NFIB: variants seen among roughly 807,000 people sequenced by gnomAD.
NFIB encodes the protein nuclear factor I B, also known as nuclear factor 1 B-type.
NFIB carries 11 observed loss-of-function variants against 61.5 expected under a neutral mutation model. The ratio of observed to expected loss-of-function variants is 0.18; its 90% CI spans 0.11 to 0.30. The LOEUF (loss-of-function observed/expected upper bound fraction) is 0.30. Ranked by LOEUF, NFIB falls within the 10% of genes least tolerant of loss-of-function variation. NFIB has a pLI of 1.00. For synonymous variants in NFIB, 260 were observed against 216.5 expected (o/e 1.20, Z -1.76); for missense variants, 471 against 608.9 (o/e 0.77, Z 2.38).
intron 2 of NFIB, among the ~76,000 whole-genome samples, chr9:14,285,131 T>G (rs1375119250): frequency 1.3e-5 from 2 of 152,224 alleles, no homozygotes; most frequent in East Asian, 3.8e-4. Flanking sequence ...CTTTCCAATT[T>G]TCTTTTCTTG....
chr9:14,227,856 G>A (rs1374768790), intron 2 of NFIB, among the ~76,000 whole-genome samples: 2 of 152,118 alleles, frequency 1.3e-5, no homozygotes, highest in Non-Finnish European at 1.5e-5. Context: ...TGAACCTCTG[G>A]AGTCTAAGCT....
intron 2 of NFIB, among the ~76,000 whole-genome samples, chr9:14,229,197 C>A (rs934008264): frequency 2.0e-5 from 3 of 152,148 alleles, no homozygotes; most frequent in Non-Finnish European, 4.4e-5. Context: ...AAAAGCTCAT[C>A]GGTAAGTTAA....
intron 2 of NFIB, chr9:14,305,607 T>C (rs1317267076): frequency 6.4e-6 from 1 of 156,594 alleles, no homozygotes; most frequent in Non-Finnish European, 1.4e-5. Flanking sequence ...GTAATATTTC[T>C]AAAAGTGCAA....
chr9:14,465,128 G>T, the NFIB span, among the ~76,000 whole-genome samples: 10 of 152,276 alleles, frequency 6.6e-5, no homozygotes, highest in African/African-American at 2.4e-4. Flanking sequence ...ACCTTTGTAG[G>T]ACCATGCAAG....
At chr9:14,408,103 A>C in the NFIB span, among the ~76,000 whole-genome samples, 1 of 152,200 alleles carries the variant, frequency 6.6e-6, no homozygotes, top group East Asian at 1.9e-4. Context: ...AGAAATTGCC[A>C]ATTATGTTAG....
chr9:14,134,913 A>AAAAG (rs1554644520), intron 6 of NFIB, among the ~76,000 whole-genome samples: 19 of 133,384 alleles, frequency 1.4e-4, no homozygotes, highest in Admixed American at 1.6e-4. Context: ...AAAAAAAAAA[A>AAAAG]AAAAAAAGGA....
At chr9:14,376,518 ATT>A (rs35781223) in intron 1 of NFIB, among the ~76,000 whole-genome samples, 45 of 141,124 alleles carry the variant, frequency 3.2e-4, no homozygotes, top group Admixed American at 2.8e-4. Context: ...TAAAAGTGTC[ATT>A]TTTTTTTTTT....
At chr9:14,458,691 A>G in the NFIB span, among the ~76,000 whole-genome samples, 45 of 152,292 alleles carry the variant, frequency 3.0e-4, no homozygotes, top group Admixed American at 4.6e-4. Flanking sequence ...AAATCAATGT[A>G]CAAAAATCAC....
intron 2 of NFIB, among the ~76,000 whole-genome samples, chr9:14,242,247 G>A (rs1040428031): frequency 6.6e-6 from 1 of 152,160 alleles, no homozygotes; most frequent in Non-Finnish European, 1.5e-5. Flanking sequence ...TCCCACATAT[G>A]GAAATATGCA....
intron 2 of NFIB, among the ~76,000 whole-genome samples, chr9:14,222,795 CA>C (rs58787088): frequency 5.8e-5 from 5 of 86,770 alleles, no homozygotes; most frequent in East Asian, 3.1e-4. Context: ...GATCCTGTCT[CA>C]AAAAAAAAAA....
chr9:14,199,600 G>A (rs1473623712), intron 2 of NFIB, among the ~76,000 whole-genome samples: 2 of 152,230 alleles, frequency 1.3e-5, no homozygotes, highest in Admixed American at 6.5e-5. Flanking sequence ...GTAAAGATGT[G>A]TTGGAGTCTC....
At position 14,323,176 on chromosome 9, in the gene NFIB, T is replaced by C. The variant is rs144456319; in HGVS notation, c.109-15656A>G. On this transcript the variant is annotated intron_variant, in intron 1 of 8. Transcript: ENST00000380934. ...ACCAGAAAGAGCGCACTTTGACTTATATTGATAGGTAGTCACGCGAATATC... is the reference window on the plus strand; with the variant it reads ...ACCAGAAAGAGCGCACTTTGACTTACATTGATAGGTAGTCACGCGAATATC... Among the ~76,000 whole-genome samples, 390 of 152,270 alleles carry C rather than the reference T, an allele frequency of 2.6e-3. 2 individuals are homozygous for C. The highest frequency in any genetic ancestry group is 9.1e-3 in the African/African-American group (378 of 41,556).
At chr9:14,506,651 C>T in the NFIB span, among the ~76,000 whole-genome samples, 1 of 152,118 alleles carries the variant, frequency 6.6e-6, no homozygotes, top group Non-Finnish European at 1.5e-5. Context: ...TAGGTTTATT[C>T]TAAATAGCCT....
intron 1 of NFIB, among the ~76,000 whole-genome samples, chr9:14,310,542 T>C (rs1378324535): frequency 6.6e-6 from 1 of 152,186 alleles, no homozygotes; most frequent in African/African-American, 2.4e-5. Flanking sequence ...ACTGTCCTGA[T>C]ACAAAAATAT....
At chr9:14,369,384 C>T (rs184338808) in intron 1 of NFIB, among the ~76,000 whole-genome samples, 142 of 152,302 alleles carry the variant, frequency 9.3e-4, no homozygotes, top group Non-Finnish European at 8.4e-4. Context: ...TAGTTTCCAT[C>T]TGTATCATTA....
At chr9:14,424,937 A>G in the NFIB span, among the ~76,000 whole-genome samples, 19 of 152,154 alleles carry the variant, frequency 1.2e-4, no homozygotes, top group African/African-American at 4.6e-4. Flanking sequence ...AATCGTGGCA[A>G]GAAAGGGTGG....
intron 1 of NFIB, among the ~76,000 whole-genome samples, chr9:14,310,656 G>C (rs1006031972): frequency 1.3e-5 from 2 of 152,062 alleles, no homozygotes; most frequent in African/African-American, 4.8e-5. Flanking sequence ...AAACATATAA[G>C]TGATTTAAAA....
At chr9:14,470,598 C>T in the NFIB span, among the ~76,000 whole-genome samples, 3 of 152,064 alleles carry the variant, frequency 2.0e-5, no homozygotes, top group Admixed American at 6.6e-5. Flanking sequence ...GCTTAGGCAG[C>T]AGGGGCTTGG....
At position 14,396,469 on chromosome 9, in the gene NFIB, G is replaced by A. The variant is rs147326847; in HGVS notation, c.108+2055C>T. ...GCCGTCCTCTGAAATGAACAGTGGG[G>A]CCCAAATTCAGGTGGGGAGCCTCTT... On this transcript the variant is annotated intron_variant, in intron 1 of 8. Coordinates refer to the NFIB transcript ENST00000380934. 3.6e-3 allele frequency among the ~76,000 whole-genome samples: 547 copies of A among 152,164 alleles called. 3 individuals carry two copies. The highest frequency in any genetic ancestry group is 0.013 in the African/African-American group (526 of 41,514).
Sources: gnomAD v4.1 joint callset for allele counts (sites outside exome capture counted in the v4.1 genomes callset) on GRCh38, gnomAD v4.1.1 for gene constraint, MANE v1.5 for transcripts, NCBI Gene and HGNC (gene_info 2026-07-23, HGNC 2026-07-21) for gene names.